Variants in GSE1 observed in about 807,000 individuals in gnomAD.
GSE1 encodes Gse1 coiled-coil protein.
Under a neutral mutation model 112.6 loss-of-function variants are expected in GSE1, and 32 were observed. The ratio of observed to expected loss-of-function variants is 0.28; its 90% CI spans 0.21 to 0.38. The LOEUF (loss-of-function observed/expected upper bound fraction) is 0.38, where lower values mean the gene tolerates loss of function less well. GSE1 is among the 10% of genes least tolerant of loss of function. The pLI is 1.00. For synonymous variants in GSE1, 1,115 were observed against 735.6 expected, an observed-to-expected ratio of 1.52 and a Z score of -8.35; for missense variants, 2,348 against 1,699.2, an observed-to-expected ratio of 1.38 and a Z score of -6.71.
chr16:85,528,040 G>A (rs1187655361), intron 2 of GSE1, among the ~76,000 whole-genome samples: 1 of 152,230 alleles, frequency 6.6e-6, no homozygotes, highest in African/African-American at 2.4e-5. Flanking sequence ...GTGGGCAGGG[G>A]TGTGGGGGGG....
At position 85,675,785 on chromosome 16, in the gene GSE1, C is replaced by G. The variant is rs2152047302; in HGVS notation, c.*3246C>G. The G allele has an allele frequency of 6.6e-6, 1 of 152,362 alleles. No homozygotes were observed. The allele number at this position is 152,362 out of a possible 1,614,324, so 9.4% of individuals were successfully genotyped here. A position where few individuals can be genotyped will look rare whatever the true frequency, so the allele number is the denominator to read the frequency against. On this transcript the variant is annotated 3_prime_UTR_variant, in exon 16 of 16. Coordinates refer to ENST00000253458, the MANE Select transcript of GSE1 (RefSeq NM_014615.5). The stretch of plus-strand genomic sequence containing the variant: ...TGGTCAGCACAAACCGATTCTGTTC[C>G]TCTTTAAAGTGTATATTAGCCACTT...
At chr16:85,591,456 G>C (rs1488655751) in intron 1 of GSE1, among the ~76,000 whole-genome samples, 1 of 152,254 alleles carries the variant, frequency 6.6e-6, no homozygotes, top group Non-Finnish European at 1.5e-5. Context: ...TCCCAGATGC[G>C]GATGGAGCCT....
At chr16:85,558,878 G>C (rs1039920599) in intron 1 of GSE1, among the ~76,000 whole-genome samples, 2 of 151,902 alleles carry the variant, frequency 1.3e-5, no homozygotes, top group African/African-American at 2.4e-5. Flanking sequence ...TATTTTTTGA[G>C]ATGGAGTCTT....
chr16:85,445,024 C>T (rs2049474067), intron 2 of GSE1, among the ~76,000 whole-genome samples: 1 of 152,234 alleles, frequency 6.6e-6, no homozygotes, highest in Non-Finnish European at 1.5e-5. Context: ...TCAGGTTTCC[C>T]GCCGCACGCA....
In GSE1 at chr16:85,211,648, C is replaced by G. The variant is rs1172561444; in HGVS notation, c.2283+39841C>G. Among the ~76,000 whole-genome samples, 7 of 152,322 alleles carry G rather than the reference C, an allele frequency of 4.6e-5. No individual in the cohort carries two copies. The East Asian group carries it at 1.2e-3, about 25-fold the overall frequency. On this transcript the variant is annotated intron_variant, in intron 1 of 2. Coordinates refer to the GSE1 transcript ENST00000637419. Reference sequence around the variant, plus strand: ...GAACCACTTGGAGCTGTGTGGTTCCCATCTGGCCTGGAGAGACCAGGGGTG... The same window carrying G: ...GAACCACTTGGAGCTGTGTGGTTCCGATCTGGCCTGGAGAGACCAGGGGTG...
intron 1 of GSE1, among the ~76,000 whole-genome samples, chr16:85,623,983 G>A (rs1212734344): frequency 3.9e-5 from 6 of 152,204 alleles, no homozygotes; most frequent in African/African-American, 1.2e-4. Context: ...CATAGGAGAC[G>A]TCCTTGGATC....
chr16:85,184,853 G>C (rs112237135), intron 1 of GSE1, among the ~76,000 whole-genome samples: 1 of 152,120 alleles, frequency 6.6e-6, no homozygotes, highest in South Asian at 2.1e-4. Flanking sequence ...TTAAGTGTAC[G>C]CTCTTGAAGA....
chr16:85,255,621 T>A (rs940177114), intron 1 of GSE1, among the ~76,000 whole-genome samples: 8 of 152,036 alleles, frequency 5.3e-5, no homozygotes, highest in African/African-American at 1.9e-4. Flanking sequence ...GCAAGGCTGG[T>A]GTCGAACTCC....
rs374530805 is a variant in GSE1, at chr16:85,412,552, C to T, written c.2464+54909C>T. Among the ~76,000 whole-genome samples the T allele has an allele frequency of 8.6e-3, 41 of 4,784 alleles. 7 individuals carry two copies. Among genetic ancestry groups the T allele is most frequent in the South Asian group, 0.026 (1 of 38 alleles). 3.1% of individuals were successfully genotyped at this position (4,784 alleles called of 152,430 possible). ...CTCAGGCCCCCCGGATAATCCTCAC[C>T]GTTACACTCAGGGCCCCCCTGGATA... is the stretch of plus-strand genomic sequence containing the variant. On this transcript the variant is annotated intron_variant, in intron 2 of 2. Transcript: ENST00000637419.
At chr16:85,426,026 AATGGATGG>A (rs775930864) in intron 2 of GSE1, among the ~76,000 whole-genome samples, 5 of 36,442 alleles carry the variant, frequency 1.4e-4, no homozygotes, top group Admixed American at 4.1e-4. Flanking sequence ...ATGAATGGAA[AATGGATGG>A]ATGGATGGAT....
chr16:85,335,854 C>G (rs898019552), intron 1 of GSE1, among the ~76,000 whole-genome samples: 2 of 152,170 alleles, frequency 1.3e-5, no homozygotes, highest in Non-Finnish European at 2.9e-5. Flanking sequence ...GGCGGGACAC[C>G]CTTCAGACCT....
At chr16:85,224,999 C>T (rs1404878374) in intron 1 of GSE1, among the ~76,000 whole-genome samples, 1 of 152,116 alleles carries the variant, frequency 6.6e-6, no homozygotes. Context: ...GGCATGATGG[C>T]ATGTGCCTGT....
At chr16:85,360,352 C>T (rs2047037824) in intron 2 of GSE1, among the ~76,000 whole-genome samples, 1 of 152,158 alleles carries the variant, frequency 6.6e-6, no homozygotes, top group Admixed American at 6.5e-5. Context: ...AAGCCAGGAG[C>T]CCCTGCCCTG....
intron 1 of GSE1, among the ~76,000 whole-genome samples, chr16:85,269,611 C>G (rs1009354608): frequency 6.7e-6 from 1 of 149,332 alleles, no homozygotes; most frequent in Non-Finnish European, 1.5e-5. Flanking sequence ...TGCTGCCTCC[C>G]GTGCTCTGCA....
chr16:85,468,826 C>A (rs1378564026), intron 2 of GSE1, among the ~76,000 whole-genome samples: 2 of 151,412 alleles, frequency 1.3e-5, no homozygotes, highest in African/African-American at 4.9e-5. Context: ...TGGCATTGAC[C>A]ATCTACACTG....
intron 3 of GSE1, among the ~76,000 whole-genome samples, chr16:85,651,031 T>C (rs1598586372): frequency 6.7e-5 from 7 of 104,040 alleles, no homozygotes; most frequent in African/African-American, 1.2e-4. Flanking sequence ...GATTTGCTCC[T>C]CCCCCTCCCC....
intron 1 of GSE1, among the ~76,000 whole-genome samples, chr16:85,261,167 TG>T (rs1907645982): frequency 6.6e-6 from 1 of 152,218 alleles, no homozygotes; most frequent in South Asian, 2.1e-4. Context: ...TGCCCTGGGC[TG>T]CCGCATCCCA....
chr16:85,361,925 G>A (rs781578756), intron 2 of GSE1, among the ~76,000 whole-genome samples: 58 of 152,104 alleles, frequency 3.8e-4, no homozygotes, highest in Non-Finnish European at 6.2e-4. Context: ...GGCCACTGCC[G>A]TGTCCAGAGT....
At chr16:85,615,613 G>A (rs974637030) in intron 1 of GSE1, among the ~76,000 whole-genome samples, 1 of 152,204 alleles carries the variant, frequency 6.6e-6, no homozygotes, top group Non-Finnish European at 1.5e-5. Context: ...GGGAAGGGAG[G>A]TCGGGAAGTC....
Sources: allele counts gnomAD v4.1 joint callset (sites outside exome capture counted in the v4.1 genomes callset), GRCh38; gene constraint gnomAD v4.1.1; transcripts MANE v1.5; gene names NCBI Gene and HGNC (gene_info 2026-07-23, HGNC 2026-07-21).